FOXN3: variants seen among roughly 807,000 people sequenced by gnomAD.
FOXN3 encodes the protein forkhead box N3, also known as forkhead box protein N3.
FOXN3 carries 7 observed loss-of-function variants against 38.4 expected under a neutral mutation model. That is an observed-to-expected ratio of 0.18 (90% CI 0.10 to 0.34). The LOEUF is 0.34. FOXN3 is among the 10% of genes least tolerant of loss of function. The probability of loss-of-function intolerance (pLI) is 1.00; values close to 1 mark genes in which losing one functional copy is unlikely to be tolerated. For missense variants in FOXN3, 456 were observed against 613.4 expected (o/e 0.74, Z 2.71); for synonymous variants, 230 against 242.2 (o/e 0.95, Z 0.47).
intron 3 of FOXN3, among the ~76,000 whole-genome samples, chr14:89,291,990 C>A (rs1220939014): frequency 6.6e-6 from 1 of 152,136 alleles, no homozygotes; most frequent in African/African-American, 2.4e-5. Flanking sequence ...CAAATGAGAA[C>A]CCAGGAACAC....
intron 1 of FOXN3, among the ~76,000 whole-genome samples, chr14:89,609,515 C>T (rs574384601): frequency 1.3e-5 from 2 of 152,152 alleles, no homozygotes; most frequent in African/African-American, 2.4e-5. Flanking sequence ...TGCCAGGCTC[C>T]GTGCCAAGTG....
Position 89,291,365 on chromosome 14 carries a change from CT to C in FOXN3, c.681-10352del, listed in dbSNP as rs1886866393. On this transcript the variant is annotated intron_variant, in intron 3 of 5. Transcript: ENST00000557258. The stretch of plus-strand genomic sequence containing the variant: ...ATCAGAAGGAAAGCCCTGTAACACC[CT>C]TTCTGCATAAGTCTCCATGTCACCA... 3 of 587,076 alleles carry C rather than the reference CT, an allele frequency of 5.1e-6. No homozygotes were observed. The East Asian group carries it at 1.3e-4, about 25-fold the overall frequency. 36.4% of individuals were successfully genotyped at this position (587,076 alleles called of 1,614,324 possible). A position where few individuals can be genotyped will look rare whatever the true frequency, so the allele number is the denominator to read the frequency against.
rs755916666 is a variant in FOXN3, at chr14:89,246,542, C to CTTTTTTTTTTTT, written c.745+34396_745+34407dup. On this transcript the variant is annotated intron_variant, in intron 4 of 5. Transcript: ENST00000557258. ...TTCTCATCTTATTTGCAGGATGCGG[C>CTTTTTTTTTTTT]TTTTTTTTTTTTTTTTTTGAGACAG... Among the ~76,000 whole-genome samples, 35 of 83,996 alleles carry CTTTTTTTTTTTT rather than the reference C, an allele frequency of 4.2e-4. 3 individuals carry two copies. Among genetic ancestry groups the CTTTTTTTTTTTT allele is most frequent in the African/African-American group, 7.1e-4 (15 of 20,988 alleles). 55.1% of individuals were successfully genotyped at this position (83,996 alleles called of 152,430 possible).
chr14:89,590,537 G>A (rs963712208), intron 1 of FOXN3, among the ~76,000 whole-genome samples: 2 of 152,252 alleles, frequency 1.3e-5, no homozygotes, highest in Middle Eastern at 3.4e-3. Context: ...TGGGGATGAC[G>A]TGTGGGAATT....
At chr14:89,534,082 A>C (rs1435573142) in intron 1 of FOXN3, among the ~76,000 whole-genome samples, 1 of 150,198 alleles carries the variant, frequency 6.7e-6, no homozygotes, top group Non-Finnish European at 1.5e-5. Flanking sequence ...GAATTCAGAT[A>C]GAATATAATT....
At chr14:89,596,215 G>C (rs1051858200) in intron 1 of FOXN3, among the ~76,000 whole-genome samples, 1 of 152,158 alleles carries the variant, frequency 6.6e-6, no homozygotes, top group Non-Finnish European at 1.5e-5. Flanking sequence ...TCGGCTCACT[G>C]CAACCTCCGC....
intron 1 of FOXN3, among the ~76,000 whole-genome samples, chr14:89,468,669 G>A (rs1440098508): frequency 1.3e-5 from 2 of 152,116 alleles, no homozygotes; most frequent in African/African-American, 2.4e-5. Context: ...ATTTACTCCT[G>A]TTATATCTTC....
At chr14:89,466,384 T>C (rs1341012034) in intron 1 of FOXN3, among the ~76,000 whole-genome samples, 1 of 152,190 alleles carries the variant, frequency 6.6e-6, no homozygotes, top group Non-Finnish European at 1.5e-5. Context: ...CTCTTTTGCA[T>C]CCTCTTCCAA....
chr14:89,274,336 T>C (rs1228971583), intron 4 of FOXN3, among the ~76,000 whole-genome samples: 1 of 152,008 alleles, frequency 6.6e-6, no homozygotes, highest in Non-Finnish European at 1.5e-5. Flanking sequence ...GTTTTGGAAG[T>C]TTTTTCAACT....
intron 4 of FOXN3, among the ~76,000 whole-genome samples, chr14:89,262,589 A>G (rs1294456459): frequency 6.6e-6 from 1 of 152,246 alleles, no homozygotes; most frequent in East Asian, 1.9e-4. Flanking sequence ...AACTAAAAAA[A>G]GAAAATATTG....
At chr14:89,458,776 C>T (rs962754932) in intron 1 of FOXN3, among the ~76,000 whole-genome samples, 1 of 152,112 alleles carries the variant, frequency 6.6e-6, no homozygotes, top group Admixed American at 6.6e-5. Flanking sequence ...GCAATCAAGA[C>T]CCCCTCTAGG....
intron 1 of FOXN3, among the ~76,000 whole-genome samples, chr14:89,595,770 C>T (rs1482482148): frequency 1.3e-5 from 2 of 152,186 alleles, no homozygotes. Context: ...GTTTTTCCTA[C>T]TCTCAAAGGG....
intron 1 of FOXN3, among the ~76,000 whole-genome samples, chr14:89,580,965 C>T (rs243201): frequency 0.69 from 104,277 of 151,132 alleles, 39,444 homozygotes; most frequent in Non-Finnish European, 0.85. Flanking sequence ...GGAGGATCAC[C>T]TGAGCCAAGA....
intron 1 of FOXN3, among the ~76,000 whole-genome samples, chr14:89,476,020 AC>A (rs1262958067): frequency 2.6e-5 from 4 of 152,116 alleles, no homozygotes. Flanking sequence ...GATAAGGATA[AC>A]CTGTGGTATT....
chr14:89,523,499 G>A (rs1894363498), intron 1 of FOXN3, among the ~76,000 whole-genome samples: 1 of 152,148 alleles, frequency 6.6e-6, no homozygotes, highest in Non-Finnish European at 1.5e-5. Context: ...AAAAACTATG[G>A]TCTGTGATCA....
At chr14:89,300,095 T>C (rs1239051457) in intron 3 of FOXN3, among the ~76,000 whole-genome samples, 3 of 152,086 alleles carry the variant, frequency 2.0e-5, no homozygotes, top group Non-Finnish European at 2.9e-5. Flanking sequence ...TGATACAACA[T>C]TCAGCAGAAG....
chr14:89,312,982 C>T (rs1158310374), intron 3 of FOXN3, among the ~76,000 whole-genome samples: 2 of 152,172 alleles, frequency 1.3e-5, no homozygotes, highest in Non-Finnish European at 2.9e-5. Context: ...ACTGATAGTA[C>T]AAAAGCCCTG....
At chr14:89,257,917 T>C (rs1885675049) in intron 4 of FOXN3, among the ~76,000 whole-genome samples, 1 of 152,168 alleles carries the variant, frequency 6.6e-6, no homozygotes, top group Admixed American at 6.6e-5. Flanking sequence ...GGGTGACATT[T>C]CCTCAGAAGA....
At chr14:89,418,487 A>G (rs542620715), upstream of FOXN3, among the ~76,000 whole-genome samples, 1 of 135,948 alleles carries the variant, frequency 7.4e-6, no homozygotes, top group South Asian at 2.4e-4. Flanking sequence ...TTCAGCAAAG[A>G]TGTGCCTTTC....
Sources: gnomAD v4.1 joint callset for allele counts (sites outside exome capture counted in the v4.1 genomes callset) on GRCh38, gnomAD v4.1.1 for gene constraint, MANE v1.5 for transcripts, NCBI Gene and HGNC (gene_info 2026-07-23, HGNC 2026-07-21) for gene names.